ACCSL: variants seen among roughly 807,000 people sequenced by gnomAD.
ACCSL encodes probable inactive 1-aminocyclopropane-1-carboxylate synthase-like protein 2.
ACCSL carries 55 observed loss-of-function variants against 61.7 expected under a neutral mutation model. The observed-to-expected ratio is 0.89, with a 90% confidence interval of 0.72 to 1.12. The LOEUF (loss-of-function observed/expected upper bound fraction) is 1.12. Ranked by LOEUF, ACCSL falls within the 50% of genes most tolerant of loss-of-function variation. The pLI, the probability that ACCSL is intolerant of heterozygous loss-of-function variation, is 0.00. For missense variants in ACCSL, 632 were observed against 698.0 expected (o/e 0.91, Z 1.07); for synonymous variants, 258 against 264.3 (o/e 0.98, Z 0.23).
chr11:43,969,509 A>G, the ACCSL span, among the ~76,000 whole-genome samples: 1 of 152,224 alleles, frequency 6.6e-6, no homozygotes, highest in Admixed American at 6.5e-5. Flanking sequence ...AGTGCTTGGC[A>G]GAGAGTAAGT....
chr11:43,925,804 C>T, the ACCSL span, among the ~76,000 whole-genome samples: 1 of 152,194 alleles, frequency 6.6e-6, no homozygotes, highest in South Asian at 2.1e-4. Flanking sequence ...GCCTCCAAGC[C>T]TGTTTCCTCC....
chr11:44,030,131 G>A, the ACCSL span, among the ~76,000 whole-genome samples: 1 of 122,222 alleles, frequency 8.2e-6, no homozygotes, highest in African/African-American at 3.1e-5. Context: ...TGACAGTGGT[G>A]ACCTGCCTCT....
chr11:43,959,603 G>C, the ACCSL span, among the ~76,000 whole-genome samples: 62,470 of 151,918 alleles, frequency 0.41, 13,011 homozygotes, highest in Non-Finnish European at 0.45. Context: ...CTGGGCGGTG[G>C]CAGACCCTAG....
At chr11:43,964,260 G>A in the ACCSL span, among the ~76,000 whole-genome samples, 2 of 151,802 alleles carry the variant, frequency 1.3e-5, no homozygotes, top group Non-Finnish European at 2.9e-5. Flanking sequence ...TGGCTAACAC[G>A]GTGAAACCCC....
At chr11:44,025,987 C>T in the ACCSL span, among the ~76,000 whole-genome samples, 1 of 152,152 alleles carries the variant, frequency 6.6e-6, no homozygotes, top group Non-Finnish European at 1.5e-5. Flanking sequence ...TGTCTTTTAA[C>T]CATTTGACTA....
At chr11:43,998,106 C>A in the ACCSL span, among the ~76,000 whole-genome samples, 1 of 152,134 alleles carries the variant, frequency 6.6e-6, no homozygotes, top group Non-Finnish European at 1.5e-5. Context: ...TCTCAAATTC[C>A]CATTGGTGTA....
At chr11:43,955,517 A>C in the ACCSL span, among the ~76,000 whole-genome samples, 4 of 152,266 alleles carry the variant, frequency 2.6e-5, no homozygotes, top group African/African-American at 7.2e-5. Flanking sequence ...GTTATTACTC[A>C]AACCAATCTC....
At chr11:43,965,797 A>G in the ACCSL span, among the ~76,000 whole-genome samples, 3 of 152,218 alleles carry the variant, frequency 2.0e-5, no homozygotes, top group Non-Finnish European at 4.4e-5. Context: ...ATAAACCCAT[A>G]CATCTATAGT....
chr11:43,987,395 C>T, the ACCSL span, among the ~76,000 whole-genome samples: 4 of 152,154 alleles, frequency 2.6e-5, no homozygotes, highest in East Asian at 1.9e-4. Context: ...CTTTCAGAAA[C>T]GGCAGCTTCC....
Position 44,053,002 on chromosome 11 carries a change from A to G in ACCSL, c.882A>G (p.Thr294=). 1 of 1,614,096 alleles carries G rather than the reference A, an allele frequency of 6.2e-7. No homozygotes were observed. Among genetic ancestry groups the G allele is most frequent in the Non-Finnish European group, 8.5e-7 (1 of 1,179,970 alleles). The change falls in exon 7 of 14, where the codon ACA becomes ACG. Residue 294 remains threonine (T), a synonymous_variant. Coordinates refer to ENST00000378832, the MANE Select transcript of ACCSL (RefSeq NM_001031854.2). ...TGTTTCTCTTCCAGGTCACTGTTAC[A>G]AACACCCATCCTTTCCAGCTCACTG... The part of the protein sequence containing the change: ...PVHLESEVTV[T]NTHPFQLTVD...
the ACCSL span, among the ~76,000 whole-genome samples, chr11:43,984,484 A>G: frequency 6.6e-6 from 1 of 152,194 alleles, no homozygotes; most frequent in Non-Finnish European, 1.5e-5. Flanking sequence ...TACAAACAGA[A>G]GATGGGAGTG....
At chr11:43,932,427 CG>C in the ACCSL span, among the ~76,000 whole-genome samples, 7 of 152,262 alleles carry the variant, frequency 4.6e-5, no homozygotes, top group Admixed American at 3.3e-4. Flanking sequence ...ACCAACATGC[CG>C]GGCTAACTTT....
chr11:44,020,038 C>G, the ACCSL span, among the ~76,000 whole-genome samples: 3 of 152,148 alleles, frequency 2.0e-5, no homozygotes, highest in Admixed American at 6.6e-5. Context: ...ATCTTGGCAC[C>G]CTTGTTGAAA....
chr11:43,987,672 C>G, the ACCSL span, among the ~76,000 whole-genome samples: 1 of 152,118 alleles, frequency 6.6e-6, no homozygotes, highest in Non-Finnish European at 1.5e-5. Context: ...CAGCGGTCAT[C>G]CAGGCCAGGT....
chr11:44,046,901 C>T (rs1397009687), upstream of ACCSL, among the ~76,000 whole-genome samples: 8 of 151,992 alleles, frequency 5.3e-5, no homozygotes, highest in African/African-American at 1.9e-4. Flanking sequence ...TGGTCTCGTT[C>T]AGTATTTAAC....
the ACCSL span, among the ~76,000 whole-genome samples, chr11:44,003,372 G>T: frequency 1.5e-3 from 229 of 152,196 alleles, no homozygotes; most frequent in African/African-American, 5.3e-3. Context: ...GCATTCATAG[G>T]CCTGGCATGG....
At chr11:44,035,277 G>C in the ACCSL span, among the ~76,000 whole-genome samples, 1 of 151,672 alleles carries the variant, frequency 6.6e-6, no homozygotes, top group African/African-American at 2.4e-5. Flanking sequence ...TGTCTGTCTC[G>C]TTGCCGTCTC....
chr11:43,961,599 A>G, the ACCSL span, among the ~76,000 whole-genome samples: 1 of 152,168 alleles, frequency 6.6e-6, no homozygotes, highest in African/African-American at 2.4e-5. Context: ...CAGCCCACAG[A>G]GGTGGACTGA....
the ACCSL span, among the ~76,000 whole-genome samples, chr11:44,001,803 GTGTGTGTGTGTGT>G: frequency 6.7e-6 from 1 of 149,662 alleles, no homozygotes; most frequent in Non-Finnish European, 1.5e-5. Flanking sequence ...GTGTGTGTGT[GTGTGTGTGTGTGT>G]GTGTGTGTGT....
Sources: allele counts gnomAD v4.1 joint callset (sites outside exome capture counted in the v4.1 genomes callset), GRCh38; gene constraint gnomAD v4.1.1; transcripts MANE v1.5; gene names NCBI Gene and HGNC (gene_info 2026-07-23, HGNC 2026-07-21).